Variants in EGFR observed in about 807,000 individuals in gnomAD.
EGFR encodes the protein avian erythroblastic leukemia viral (v-erb-b) oncogene homolog.
EGFR carries 58 observed loss-of-function variants against 143.0 expected under a neutral mutation model. That is an observed-to-expected ratio of 0.41 (90% CI 0.33 to 0.50). The LOEUF is 0.50. EGFR is among the 20% of genes least tolerant of loss of function. The pLI is 0.39. For missense variants in EGFR, 1,307 were observed against 1,579.0 expected (o/e 0.83, Z 2.92); for synonymous variants, 613 against 594.4 (o/e 1.03, Z -0.45).
At position 55,142,221 on chromosome 7, in the gene EGFR, A is replaced by G. The variant is rs931972491; in HGVS notation, c.89-65A>G. On this transcript the variant is annotated intron_variant, in intron 1 of 27. Transcript: ENST00000275493. ...ACCCTTAATACCTGGACCTTGAGGG[A>G]TTGTTTTATTTTAGTTTTTCTGCAT... is the stretch of plus-strand genomic sequence containing the variant. 1.0e-5 allele frequency: 16 copies of G among 1,596,524 alleles called. No homozygotes were observed. In the African/African-American group the frequency reaches 1.2e-4, roughly 12 times the overall value.
rs549136829 is a variant in EGFR, at chr7:55,058,590, A to T, written c.88+39225A>T. Among the ~76,000 whole-genome samples, 6 of 152,336 alleles carry T rather than the reference A, an allele frequency of 3.9e-5. 1 individual carries two copies. In the South Asian group the frequency reaches 1.2e-3, roughly 32 times the overall value. On this transcript the variant is annotated intron_variant, in intron 1 of 27. Coordinates refer to ENST00000275493, the MANE Select transcript of EGFR (RefSeq NM_005228.5). ...GATGGAACTGCAGGTCATTATCCTT[A>T]GCAAACGAATAAGAAAAGAAAACAA...
chr7:55,125,587 TG>T lies in EGFR; in HGVS notation c.89-16698del, dbSNP rs1793475910. ...ACAGCTTGTACATCTCAAGAAGTTA[TG>T]TAATTAAACTGTCTGTTTTGAGAAA... On this transcript the variant is annotated intron_variant, in intron 1 of 27. Transcript: ENST00000275493. Among the ~76,000 whole-genome samples, 5 of 152,348 alleles carry T rather than the reference TG, an allele frequency of 3.3e-5. No homozygotes were observed. The South Asian group carries it at 1.0e-3, about 32-fold the overall frequency.
At chr7:55,091,405 T>C (rs991837735) in intron 1 of EGFR, among the ~76,000 whole-genome samples, 6 of 152,178 alleles carry the variant, frequency 3.9e-5, no homozygotes, top group African/African-American at 1.4e-4. Flanking sequence ...CAAAGATTTG[T>C]AACCAGCCAG....
chr7:55,133,290 A>G (rs1197452105), intron 1 of EGFR, among the ~76,000 whole-genome samples: 5 of 152,214 alleles, frequency 3.3e-5, no homozygotes, highest in African/African-American at 7.2e-5. Context: ...TGAGGAAGAA[A>G]GAGTGAGCTG....
rs1438033206 is a variant in EGFR at position 55,173,965 on chromosome 7, T to G, written c.2106T>G (p.Ala702=). ...CCAGTGGAGAAGCTCCCAACCAAGC[T>G]CTCTTGAGGATCTTGAAGGAAACTG... ...LTPSGEAPNQ[A]LLRILKETEF... Residue 702 remains alanine, a synonymous_variant, in exon 18 of 28, where the codon GCT becomes GCG. Transcript: ENST00000275493. 1 of 1,614,034 alleles carries G rather than the reference T, an allele frequency of 6.2e-7. No homozygotes were observed. The highest frequency in any genetic ancestry group is 8.5e-7 in the Non-Finnish European group (1 of 1,180,048).
At chr7:55,202,054 A>G (rs575825420) in intron 26 of EGFR, among the ~76,000 whole-genome samples, 1 of 152,288 alleles carries the variant, frequency 6.6e-6, no homozygotes, top group Non-Finnish European at 1.5e-5. Context: ...GGTGGCACCC[A>G]GTAGTCTATG....
At chr7:55,037,842 C>T (rs947488955) in intron 1 of EGFR, among the ~76,000 whole-genome samples, 2 of 152,184 alleles carry the variant, frequency 1.3e-5, no homozygotes, top group Admixed American at 1.3e-4. Flanking sequence ...AACTTAACAC[C>T]TTCCTCAGGA....
intron 12 of EGFR, 49 bp from the exon 13 acceptor site, chr7:55,161,450 C>T (rs112323478): frequency 2.3e-5 from 36 of 1,591,834 alleles, no homozygotes; most frequent in Non-Finnish European, 2.6e-5. Context: ...TCCGGCCCCT[C>T]GGGTCCCTGC....
At chr7:55,113,078 G>T (rs1014920521) in intron 1 of EGFR, among the ~76,000 whole-genome samples, 8 of 152,228 alleles carry the variant, frequency 5.3e-5, no homozygotes, top group Admixed American at 3.9e-4. Flanking sequence ...CTGGATGACA[G>T]GCACCGACAG....
chr7:55,062,718 T>A (rs963684879), intron 1 of EGFR, among the ~76,000 whole-genome samples: 10 of 152,186 alleles, frequency 6.6e-5, no homozygotes, highest in African/African-American at 2.4e-4. Flanking sequence ...CTCAGTTTCC[T>A]TTTTTCCCCT....
chr7:55,103,912 G>C (rs1461620081), intron 1 of EGFR, among the ~76,000 whole-genome samples: 1 of 152,178 alleles, frequency 6.6e-6, no homozygotes, highest in Non-Finnish European at 1.5e-5. Context: ...GACTGAAACT[G>C]TTCTGAAATG....
chr7:55,046,601 A>C lies in EGFR; in HGVS notation c.88+27236A>C, dbSNP rs555641312. Among the ~76,000 whole-genome samples the C allele has an allele frequency of 5.3e-5, 8 of 152,286 alleles. 1 individual carries two copies. In the South Asian group the frequency reaches 1.7e-3, roughly 32 times the overall value. On this transcript the variant is annotated intron_variant, in intron 1 of 27. Transcript: ENST00000275493. ...AGATGTTCTTGGAAAAAAAAAAAAA[A>C]AACAGCATTCTGAGGTCAAACATGC...
At chr7:55,112,152 A>G (rs1209705680) in intron 1 of EGFR, among the ~76,000 whole-genome samples, 2 of 152,198 alleles carry the variant, frequency 1.3e-5, no homozygotes, top group Non-Finnish European at 2.9e-5. Flanking sequence ...CTGCAAACCG[A>G]TACCCAGCTT....
chr7:55,201,842 A>G lies in EGFR; in HGVS notation c.3162+60A>G, dbSNP rs570258185. 196 of 1,570,332 alleles carry G rather than the reference A, an allele frequency of 1.2e-4. 1 individual carries two copies. In the Admixed American group the frequency reaches 3.1e-3, roughly 25 times the overall value. On this transcript the variant is annotated intron_variant, in intron 26 of 27. Transcript: ENST00000275493. ...GCTCTCCACTATGGCTCTATTTTAC[A>G]TGGAAAATGCCTTAACCTAAATAAT...
intron 6 of EGFR, among the ~76,000 whole-genome samples, 159 bp downstream of exon 6, chr7:55,152,823 C>G (rs930718173): frequency 6.6e-6 from 1 of 152,208 alleles, no homozygotes; most frequent in Non-Finnish European, 1.5e-5. Context: ...TCTTTAGTAT[C>G]CTGCCTCCAC....
intron 1 of EGFR, among the ~76,000 whole-genome samples, chr7:55,088,464 C>T (rs1217929349): frequency 6.6e-6 from 1 of 152,242 alleles, no homozygotes; most frequent in East Asian, 1.9e-4. Flanking sequence ...GCCCTGGTCA[C>T]ACTTCTGGTT....
chr7:55,150,176 T>C (rs1468717882), intron 4 of EGFR, among the ~76,000 whole-genome samples: 1 of 152,260 alleles, frequency 6.6e-6, no homozygotes, highest in East Asian at 1.9e-4. Context: ...TACAAGCTTA[T>C]AATAGAAATT....
chr7:55,106,438 CT>C lies in EGFR; in HGVS notation c.89-35846del, dbSNP rs370333806. On this transcript the variant is annotated intron_variant, in intron 1 of 27. Transcript: ENST00000275493. ...TTCCCTTCATTCTGTGGCAATATGC[CT>C]TCATTTCCTAATCAGTTTTGCCCTG... 1.6e-4 allele frequency among the ~76,000 whole-genome samples: 25 copies of C among 152,352 alleles called. No individual in the cohort carries two copies. In the South Asian group the frequency reaches 5.0e-3, roughly 30 times the overall value.
chr7:55,073,127 G>A (rs1290994943), intron 1 of EGFR, among the ~76,000 whole-genome samples: 1 of 152,156 alleles, frequency 6.6e-6, no homozygotes, highest in Non-Finnish European at 1.5e-5. Context: ...CATTGTTTCT[G>A]CTATTTTACC....
Sources: allele counts gnomAD v4.1 joint callset (sites outside exome capture counted in the v4.1 genomes callset), GRCh38; gene constraint gnomAD v4.1.1; transcripts MANE v1.5; gene names NCBI Gene and HGNC (gene_info 2026-07-23, HGNC 2026-07-21).